CAST: variants seen among roughly 807,000 people sequenced by gnomAD.
CAST encodes MIR583 host.
Under a neutral mutation model 119.6 loss-of-function variants are expected in CAST, and 76 were observed. That is an observed-to-expected ratio of 0.64 (90% confidence interval 0.53 to 0.77). The LOEUF (loss-of-function observed/expected upper bound fraction) is 0.77, where lower values mean the gene tolerates loss of function less well. Among genes scored for constraint, CAST ranks in the 30% least tolerant of loss-of-function variants. The pLI is 0.00. For synonymous variants in CAST, 319 were observed against 331.6 expected, an observed-to-expected ratio of 0.96 and a Z score of 0.41; for missense variants, 953 against 946.5, an observed-to-expected ratio of 1.01 and a Z score of -0.09.
chr5:95,989,139 G>A, the CAST span, among the ~76,000 whole-genome samples: 9 of 152,276 alleles, frequency 5.9e-5, no homozygotes, highest in Non-Finnish European at 8.8e-5. Context: ...GGTACCCTGT[G>A]TTAAAAATTG....
chr5:96,485,472 G>C, the CAST span, among the ~76,000 whole-genome samples: 1 of 152,100 alleles, frequency 6.6e-6, no homozygotes, highest in African/African-American at 2.4e-5. Context: ...AAAAAGTAAA[G>C]CTAAAAGTAA....
At chr5:96,388,650 T>C in the CAST span, among the ~76,000 whole-genome samples, 12 of 152,316 alleles carry the variant, frequency 7.9e-5, no homozygotes, top group African/African-American at 2.9e-4. Context: ...TGTTATAGCT[T>C]TGCAAATTAC....
the CAST span, among the ~76,000 whole-genome samples, chr5:96,321,058 G>C: frequency 6.6e-6 from 1 of 152,160 alleles, no homozygotes; most frequent in African/African-American, 2.4e-5. Context: ...GGCACAGCCT[G>C]GTAAAGGTGA....
At chr5:96,325,359 ATCTT>A in the CAST span, among the ~76,000 whole-genome samples, 3 of 107,584 alleles carry the variant, frequency 2.8e-5, no homozygotes, top group Admixed American at 2.0e-4. Context: ...CAATCAATCA[ATCTT>A]TCTTTCTTTT....
the CAST span, among the ~76,000 whole-genome samples, chr5:96,372,619 G>T: frequency 2.6e-5 from 4 of 152,134 alleles, no homozygotes; most frequent in African/African-American, 9.7e-5. Context: ...TAGCCAGGGG[G>T]TTATGGCTCT....
the CAST span, among the ~76,000 whole-genome samples, chr5:95,964,499 T>G: frequency 6.6e-6 from 1 of 152,198 alleles, no homozygotes; most frequent in Non-Finnish European, 1.5e-5. Context: ...AGAAAATTAG[T>G]AAATGCTAAT....
chr5:96,018,830 C>G, the CAST span, among the ~76,000 whole-genome samples: 1 of 152,318 alleles, frequency 6.6e-6, no homozygotes, highest in Middle Eastern at 3.4e-3. Flanking sequence ...AAAGCTTCCA[C>G]TTCACTGTAG....
At chr5:96,244,993 C>G in the CAST span, among the ~76,000 whole-genome samples, 2 of 152,176 alleles carry the variant, frequency 1.3e-5, no homozygotes, top group Non-Finnish European at 2.9e-5. Flanking sequence ...CTATCAAAAG[C>G]AATTATAACT....
rs573369828 is a variant in CAST, at chr5:96,765,621, G to C, written c.2037+296G>C. ...AGCACATCCATTCAAATTAGCTGTTGTCCTTCAGGGTTGCTTATAAATAGG... is the reference window on the plus strand; with the variant it reads ...AGCACATCCATTCAAATTAGCTGTTCTCCTTCAGGGTTGCTTATAAATAGG... On this transcript the variant is annotated intron_variant, in intron 26 of 31. Coordinates refer to ENST00000675179, the MANE Select transcript of CAST (RefSeq NM_001750.7). Among the ~76,000 whole-genome samples the C allele has an allele frequency of 4.6e-4, 70 of 152,190 alleles. 1 individual carries two copies. The highest frequency in any genetic ancestry group is 1.6e-3 in the African/African-American group (68 of 41,506).
At chr5:96,389,829 G>A in the CAST span, among the ~76,000 whole-genome samples, 1 of 152,160 alleles carries the variant, frequency 6.6e-6, no homozygotes. Flanking sequence ...CAGCTACAAG[G>A]GAGGCTGAGG....
At chr5:96,297,403 T>C in the CAST span, among the ~76,000 whole-genome samples, 2 of 152,192 alleles carry the variant, frequency 1.3e-5, no homozygotes, top group African/African-American at 4.8e-5. Flanking sequence ...TCCAACCAGA[T>C]GTAGCAGTGT....
the CAST span, among the ~76,000 whole-genome samples, chr5:96,467,719 T>TA: frequency 0.5 from 75,250 of 150,614 alleles, 19,607 homozygotes; most frequent in African/African-American, 0.66. Context: ...TATTAAAAAG[T>TA]AAAAAAAAAC....
the CAST span, chr5:96,434,047 AAG>A: frequency 6.6e-6 from 1 of 152,192 alleles, no homozygotes; most frequent in South Asian, 2.1e-4. Flanking sequence ...CAGGGAGGGA[AAG>A]AGCAGTTTTT....
intron 24 of CAST, among the ~76,000 whole-genome samples, chr5:96,760,369 T>C (rs1767502676): frequency 6.6e-6 from 1 of 151,966 alleles, no homozygotes. Flanking sequence ...ATTTTACATA[T>C]ACTCATATTA....
chr5:95,997,259 G>A, the CAST span, among the ~76,000 whole-genome samples: 1,409 of 152,260 alleles, frequency 9.3e-3, 13 homozygotes, highest in Middle Eastern at 0.024. Context: ...TTTCTAAAGA[G>A]GGTGTCTTTA....
the CAST span, chr5:96,394,729 G>T: frequency 1.3e-6 from 1 of 791,804 alleles, no homozygotes; most frequent in Non-Finnish European, 2.3e-6. Context: ...GAAAAGAATA[G>T]TTTACCACTA....
the CAST span, among the ~76,000 whole-genome samples, chr5:96,492,440 A>T: frequency 6.6e-6 from 1 of 152,182 alleles, no homozygotes; most frequent in Non-Finnish European, 1.5e-5. Flanking sequence ...ACTCTATGGA[A>T]GTTTTGCATC....
chr5:96,565,081 T>TGTGG lies in CAST; in HGVS notation c.60+35204_60+35205insGGTG, dbSNP rs1448741649. 8.0e-5 allele frequency among the ~76,000 whole-genome samples: 12 copies of TGTGG among 150,458 alleles called. No homozygotes were observed. In the East Asian group the frequency reaches 2.3e-3, roughly 29 times the overall value. On this transcript the variant is annotated intron_variant, in intron 1 of 11. Transcript: ENST00000505143. Reference sequence around the variant, plus strand: ...AGTATAAAAACACATGGGAAAGGTGTGTGTGTGTGTGTGTGTGTGTGTGTA... The same window carrying TGTGG: ...AGTATAAAAACACATGGGAAAGGTGTGTGGGTGTGTGTGTGTGTGTGTGTGTGTA...
chr5:96,583,463 C>T (rs1409938264), intron 1 of CAST, among the ~76,000 whole-genome samples: 1 of 152,064 alleles, frequency 6.6e-6, no homozygotes, highest in Non-Finnish European at 1.5e-5. Flanking sequence ...ATTCTAGATC[C>T]ACTATCTTTA....
Sources: allele counts gnomAD v4.1 joint callset (sites outside exome capture counted in the v4.1 genomes callset), GRCh38; gene constraint gnomAD v4.1.1; transcripts MANE v1.5; gene names NCBI Gene and HGNC (gene_info 2026-07-23, HGNC 2026-07-21).